UVRAG: variants seen among roughly 807,000 people sequenced by gnomAD.
UVRAG encodes UV radiation resistance-associated gene protein.
UVRAG carries 19 observed loss-of-function variants against 78.0 expected under a neutral mutation model. The ratio of observed to expected loss-of-function variants is 0.24; its 90% CI spans 0.17 to 0.36. UVRAG has a LOEUF of 0.36. Among genes scored for constraint, UVRAG ranks in the 10% least tolerant of loss-of-function variants. The pLI, the probability that UVRAG is intolerant of heterozygous loss-of-function variation, is 1.00. For missense variants in UVRAG, 740 were observed against 853.8 expected (o/e 0.87, Z 1.66); for synonymous variants, 323 against 324.6 (o/e 1.00, Z 0.05).
At position 76,138,319 on chromosome 11, in the gene UVRAG, C is replaced by T. The variant is rs561880758; in HGVS notation, c.1398-2392C>T. 8.0e-4 allele frequency among the ~76,000 whole-genome samples: 122 copies of T among 152,314 alleles called. 1 individual carries two copies. The Middle Eastern group carries it at 0.01, about 13-fold the overall frequency. ...CTTGAACAAACCACATGACCCACCA[C>T]CTGCCTATCTTCCTCACAGGACACT... On this transcript the variant is annotated intron_variant, in intron 14 of 14. Coordinates refer to ENST00000356136, the MANE Select transcript of UVRAG (RefSeq NM_003369.4).
intron 14 of UVRAG, among the ~76,000 whole-genome samples, chr11:76,118,657 C>A (rs1169174738): frequency 6.6e-6 from 1 of 152,004 alleles, no homozygotes; most frequent in Non-Finnish European, 1.5e-5. Flanking sequence ...TAATGTTAAA[C>A]CATCTTTGCC....
At chr11:76,055,760 A>T (rs1950970339) in intron 12 of UVRAG, among the ~76,000 whole-genome samples, 1 of 152,070 alleles carries the variant, frequency 6.6e-6, no homozygotes, top group Admixed American at 6.5e-5. Flanking sequence ...CCCAGGCTGG[A>T]GTCCAGTGGC....
intron 6 of UVRAG, among the ~76,000 whole-genome samples, chr11:75,957,899 G>T (rs1336715600): frequency 6.6e-6 from 1 of 152,146 alleles, no homozygotes; most frequent in East Asian, 1.9e-4. Flanking sequence ...AGCAAATATT[G>T]CAATAAAGCA....
chr11:75,912,006 T>C lies in UVRAG; in HGVS notation c.560T>C (p.Val187Ala). 1 of 1,613,466 alleles carries C rather than the reference T, an allele frequency of 6.2e-7. No homozygotes were observed. The highest frequency in any genetic ancestry group is 1.1e-5 in the South Asian group (1 of 91,050). ...CTTCTGCAGGTGGATCAGAACTGTG[T>C]TCGCAATTCTTACGATGTCTTCTCT... ...TILLQVDQNCVRNSYDVFSLL... is the reference protein window; with the variant it reads ...TILLQVDQNCARNSYDVFSLL... Residue 187 changes from valine (V) to alanine (A), a missense_variant, in exon 6 of 15, where the codon GTT (valine) becomes GCT (alanine). Physicochemically the swap from Val to Ala is moderately conservative, Grantham distance 64. Transcript: ENST00000356136.
chr11:76,087,787 A>G (rs1027179123), intron 13 of UVRAG, among the ~76,000 whole-genome samples: 1 of 152,230 alleles, frequency 6.6e-6, no homozygotes, highest in African/African-American at 2.4e-5. Flanking sequence ...ACCCATGGTT[A>G]CTACAGCGGG....
chr11:75,875,514 CTT>C (rs1231271335), intron 3 of UVRAG, among the ~76,000 whole-genome samples: 4 of 148,268 alleles, frequency 2.7e-5, no homozygotes, highest in Admixed American at 6.7e-5. Flanking sequence ...CTACTTATCT[CTT>C]TAAATAATTC....
At chr11:76,064,178 C>T (rs140725375) in intron 12 of UVRAG, among the ~76,000 whole-genome samples, 6 of 152,106 alleles carry the variant, frequency 3.9e-5, no homozygotes, top group Non-Finnish European at 5.9e-5. Flanking sequence ...TTCTAACATA[C>T]GAAACAGTTT....
intron 12 of UVRAG, among the ~76,000 whole-genome samples, chr11:76,017,817 T>G (rs1377188189): frequency 2.0e-5 from 3 of 151,844 alleles, no homozygotes; most frequent in Non-Finnish European, 4.4e-5. Flanking sequence ...ACAGGCAAAA[T>G]AAAGATATTT....
chr11:75,953,615 T>G (rs778770925), intron 6 of UVRAG, among the ~76,000 whole-genome samples: 1 of 152,208 alleles, frequency 6.6e-6, no homozygotes. Context: ...TAACTTCTCC[T>G]TCAGTGAGAT....
intron 14 of UVRAG, among the ~76,000 whole-genome samples, chr11:76,117,462 TA>T (rs1464434968): frequency 6.6e-6 from 1 of 152,246 alleles, no homozygotes. Context: ...TTTATTTGGC[TA>T]GCCATCGATT....
At chr11:75,907,447 G>A (rs1401411582) in intron 5 of UVRAG, among the ~76,000 whole-genome samples, 2 of 151,396 alleles carry the variant, frequency 1.3e-5, no homozygotes, top group Non-Finnish European at 2.9e-5. Context: ...TTTGTCAAAT[G>A]CATTTTCTGC....
At chr11:75,818,094 C>A (rs1416180097) in intron 1 of UVRAG, among the ~76,000 whole-genome samples, 2 of 151,320 alleles carry the variant, frequency 1.3e-5, no homozygotes, top group African/African-American at 4.9e-5. Context: ...CAAAAAACCC[C>A]CCAAAAACCC....
At chr11:75,961,091 C>T (rs1204783412) in intron 6 of UVRAG, among the ~76,000 whole-genome samples, 1 of 151,976 alleles carries the variant, frequency 6.6e-6, no homozygotes, top group Admixed American at 6.5e-5. Flanking sequence ...GATACTCTCT[C>T]GGTGACTTTA....
intron 6 of UVRAG, among the ~76,000 whole-genome samples, chr11:75,923,377 A>G (rs1948020706): frequency 6.6e-6 from 1 of 152,208 alleles, no homozygotes; most frequent in South Asian, 2.1e-4. Flanking sequence ...GGTATAAATT[A>G]CCGTCTCTCC....
intron 9 of UVRAG, among the ~76,000 whole-genome samples, chr11:76,005,021 T>G (rs1027015357): frequency 6.6e-6 from 1 of 151,976 alleles, no homozygotes; most frequent in Non-Finnish European, 1.5e-5. Flanking sequence ...GCACTTTTCT[T>G]CAAAAAACTT....
chr11:75,917,414 C>T (rs1020777070), intron 6 of UVRAG, among the ~76,000 whole-genome samples: 7 of 152,236 alleles, frequency 4.6e-5, no homozygotes, highest in African/African-American at 1.7e-4. Context: ...TCTATCTTAC[C>T]AATACTTCTT....
chr11:75,911,963 A>C lies in UVRAG; in HGVS notation c.517A>C (p.Asn173His). Reference sequence around the variant, plus strand: ...GGTTAATGTCTTTCAGGGTTATTCAAATGCTCAGAAGACTATTCTTCTGCA... The same window carrying C: ...GGTTAATGTCTTTCAGGGTTATTCACATGCTCAGAAGACTATTCTTCTGCA... ...GAPFEHKGYS[N>H]AQKTILLQVD... Residue 173 changes from asparagine (N) to histidine (H), a missense_variant, in exon 6 of 15, where the codon AAT (asparagine) becomes CAT (histidine). Physicochemically the swap from Asn to His is moderately conservative, Grantham distance 68. Transcript: ENST00000356136. The C allele has an allele frequency of 7.5e-6, 12 of 1,609,406 alleles. No homozygotes were observed. The highest frequency in any genetic ancestry group is 1.0e-5 in the Non-Finnish European group (12 of 1,176,824).
At chr11:76,062,764 C>T (rs1024239459) in intron 12 of UVRAG, among the ~76,000 whole-genome samples, 32 of 152,106 alleles carry the variant, frequency 2.1e-4, no homozygotes, top group African/African-American at 7.5e-4. Context: ...TTTTAAATAA[C>T]AATAATACTG....
At chr11:75,917,112 T>C (rs1474091935) in intron 6 of UVRAG, among the ~76,000 whole-genome samples, 1 of 152,230 alleles carries the variant, frequency 6.6e-6, no homozygotes, top group Admixed American at 6.5e-5. Flanking sequence ...TTATCATCTT[T>C]ATTTTAAAGT....
Sources: allele counts gnomAD v4.1 joint callset (sites outside exome capture counted in the v4.1 genomes callset), GRCh38; gene constraint gnomAD v4.1.1; transcripts MANE v1.5; gene names NCBI Gene and HGNC (gene_info 2026-07-23, HGNC 2026-07-21).